RPH3A: variants seen among roughly 807,000 people sequenced by gnomAD.
The protein encoded by RPH3A is rabphilin-3A.
In RPH3A, 48 loss-of-function variants were observed where a neutral mutation model predicts 102.2. The observed-to-expected ratio is 0.47, with a 90% CI of 0.37 to 0.60. RPH3A has a LOEUF of 0.60. Among genes scored for constraint, RPH3A ranks in the 20% least tolerant of loss-of-function variants. The pLI, the probability that RPH3A is intolerant of heterozygous loss-of-function variation, is 0.00. For missense variants in RPH3A, 781 were observed against 910.1 expected (o/e 0.86, Z 1.83); for synonymous variants, 310 against 324.3 (o/e 0.96, Z 0.47).
rs2040517673 is a variant in RPH3A at position 112,717,021 on chromosome 12, T to C, written c.-139-75122T>C. ...GTGGACTTACTATGTTGGAAGGCACTTTGTGTTCTTCGTCCCATTTAATTC... is the reference window on the plus strand; with the variant it reads ...GTGGACTTACTATGTTGGAAGGCACCTTGTGTTCTTCGTCCCATTTAATTC... On this transcript the variant is annotated intron_variant, in intron 1 of 21. Coordinates refer to the RPH3A transcript ENST00000543106. 3.3e-5 allele frequency among the ~76,000 whole-genome samples: 5 copies of C among 152,202 alleles called. No homozygotes were observed. In the South Asian group the frequency reaches 1.0e-3, roughly 31 times the overall value.
intron 1 of RPH3A, among the ~76,000 whole-genome samples, chr12:112,713,051 C>CCTTCTTCTTCTTCTTCTTCTTCTTCTT (rs397958107): frequency 2.3e-5 from 2 of 85,858 alleles, no homozygotes; most frequent in East Asian, 3.3e-4. Context: ...TTCTTCTTCT[C>CCTTCTTCTTCTTCTTCTTCTTCTTCTT]CTTCTTCTTC....
At chr12:112,857,229 G>T (rs751366602) in intron 5 of RPH3A, among the ~76,000 whole-genome samples, 1 of 152,168 alleles carries the variant, frequency 6.6e-6, no homozygotes, top group Non-Finnish European at 1.5e-5. Context: ...GCTAAAGTTG[G>T]ATTCAGACCC....
At chr12:112,830,800 T>C (rs1028787527) in intron 3 of RPH3A, among the ~76,000 whole-genome samples, 3 of 152,126 alleles carry the variant, frequency 2.0e-5, no homozygotes, top group Non-Finnish European at 4.4e-5. Context: ...TTTAGTTTTT[T>C]TTTTATCATT....
chr12:112,884,135 C>T (rs1251344117), intron 16 of RPH3A, among the ~76,000 whole-genome samples: 1 of 152,064 alleles, frequency 6.6e-6, no homozygotes, highest in Non-Finnish European at 1.5e-5. Context: ...ATGGATTTAT[C>T]ACAGATTTTT....
chr12:112,877,538 T>C (rs1370486023), intron 13 of RPH3A, among the ~76,000 whole-genome samples: 2 of 152,094 alleles, frequency 1.3e-5, no homozygotes, highest in African/African-American at 4.8e-5. Flanking sequence ...TTGGCAAGTG[T>C]CTGCATCCAA....
At chr12:112,812,326 G>T (rs745619348) in intron 2 of RPH3A, among the ~76,000 whole-genome samples, 3 of 152,154 alleles carry the variant, frequency 2.0e-5, no homozygotes, top group Non-Finnish European at 2.9e-5. Context: ...TGAGGAACTG[G>T]TGTCCACTCC....
At chr12:112,640,046 C>T (rs2039875734) in intron 1 of RPH3A, among the ~76,000 whole-genome samples, 1 of 149,334 alleles carries the variant, frequency 6.7e-6, no homozygotes. Flanking sequence ...GCTGGCCAGG[C>T]ATGGCAGCTC....
At chr12:112,679,577 C>T (rs2040212758) in intron 1 of RPH3A, among the ~76,000 whole-genome samples, 1 of 152,210 alleles carries the variant, frequency 6.6e-6, no homozygotes. Flanking sequence ...AGGCGTGCAC[C>T]ACCACGCCCG....
At chr12:112,878,255 G>A (rs1351367516) in intron 13 of RPH3A, among the ~76,000 whole-genome samples, 2 of 152,122 alleles carry the variant, frequency 1.3e-5, no homozygotes, top group Non-Finnish European at 1.5e-5. Context: ...CTGGAACACT[G>A]GCTACTGCTC....
At chr12:112,707,902 T>C (rs1018870870) in intron 1 of RPH3A, among the ~76,000 whole-genome samples, 3 of 152,216 alleles carry the variant, frequency 2.0e-5, no homozygotes, top group African/African-American at 7.2e-5. Context: ...AGTGAGGAGA[T>C]AGGAGGAAAG....
chr12:112,686,392 T>C (rs914764688), intron 1 of RPH3A, among the ~76,000 whole-genome samples: 2 of 152,222 alleles, frequency 1.3e-5, no homozygotes, highest in East Asian at 3.8e-4. Context: ...TATTTATTCA[T>C]TTATTTATTC....
At chr12:112,842,815 G>A (rs1055568595) in intron 4 of RPH3A, among the ~76,000 whole-genome samples, 1 of 152,202 alleles carries the variant, frequency 6.6e-6, no homozygotes, top group Non-Finnish European at 1.5e-5. Context: ...TGGGCATTTG[G>A]CATGCACTTT....
intron 1 of RPH3A, among the ~76,000 whole-genome samples, chr12:112,613,098 A>G (rs1254879439): frequency 6.6e-6 from 1 of 152,190 alleles, no homozygotes; most frequent in Non-Finnish European, 1.5e-5. Context: ...AACCTGCACA[A>G]CAGCCCTGTG....
intron 2 of RPH3A, among the ~76,000 whole-genome samples, chr12:112,820,784 C>G (rs2041763759): frequency 6.6e-6 from 1 of 152,168 alleles, no homozygotes; most frequent in Non-Finnish European, 1.5e-5. Flanking sequence ...GAAATGGGGA[C>G]TGTCCTGTGG....
chr12:112,875,040 TG>T, intron 10 of RPH3A, 43 bp from the exon 11 acceptor site: 1 of 1,505,768 alleles, frequency 6.6e-7, no homozygotes, highest in Non-Finnish European at 9.1e-7. Flanking sequence ...GCTGTGTGTG[TG>T]TGTGTGACAC....
At chr12:112,619,315 T>C (rs2039703906) in intron 1 of RPH3A, among the ~76,000 whole-genome samples, 1 of 150,750 alleles carries the variant, frequency 6.6e-6, no homozygotes, top group Non-Finnish European at 1.5e-5. Flanking sequence ...GATGGAGTTT[T>C]GCTCTTGTTG....
chr12:112,844,030 G>A (rs1462147915), intron 4 of RPH3A, among the ~76,000 whole-genome samples: 1 of 152,126 alleles, frequency 6.6e-6, no homozygotes, highest in African/African-American at 2.4e-5. Flanking sequence ...AGAGAGTGAG[G>A]CCTCCATCAC....
intron 1 of RPH3A, among the ~76,000 whole-genome samples, chr12:112,590,833 G>T (rs1386881239): frequency 1.3e-5 from 2 of 152,130 alleles, no homozygotes; most frequent in Non-Finnish European, 2.9e-5. Context: ...TAAGAGATGC[G>T]GTCTCACTCT....
chr12:112,894,901 A>C (rs2136274381), intron 20 of RPH3A, among the ~76,000 whole-genome samples: 1 of 152,306 alleles, frequency 6.6e-6, no homozygotes, highest in Non-Finnish European at 1.5e-5. Flanking sequence ...TTAACAAAAA[A>C]TTTATACATC....
Sources: gnomAD v4.1 joint callset for allele counts (sites outside exome capture counted in the v4.1 genomes callset) on GRCh38, gnomAD v4.1.1 for gene constraint, MANE v1.5 for transcripts, NCBI Gene and HGNC (gene_info 2026-07-23, HGNC 2026-07-21) for gene names.